The following FOXP2 variants were observed in gnomAD, a reference collection of about 807,000 sequenced individuals.
The protein encoded by FOXP2 is forkhead box protein P2.
Under a neutral mutation model 115.8 loss-of-function variants are expected in FOXP2, and 12 were observed. The ratio of observed to expected loss-of-function variants is 0.10; its 90% confidence interval spans 0.07 to 0.17. FOXP2 has a LOEUF of 0.17. Ranked by LOEUF, FOXP2 falls within the 10% of genes least tolerant of loss-of-function variation. The probability of loss-of-function intolerance (pLI) is 1.00; values close to 1 mark genes in which losing one functional copy is unlikely to be tolerated. For missense variants in FOXP2, 629 were observed against 843.5 expected (o/e 0.75, Z 3.15); for synonymous variants, 328 against 297.7 (o/e 1.10, Z -1.05).
chr7:114,499,897 T>C (rs1196573099), intron 2 of FOXP2, among the ~76,000 whole-genome samples: 1 of 151,922 alleles, frequency 6.6e-6, no homozygotes, highest in Non-Finnish European at 1.5e-5. Context: ...ATTAATATAG[T>C]TTTGGGTTAA....
intron 8 of FOXP2, chr7:114,645,061 C>T: frequency 4.5e-6 from 1 of 219,956 alleles, no homozygotes; most frequent in Non-Finnish European, 8.9e-6. Context: ...ACATTTATAA[C>T]AGAACTATTT....
intron 1 of FOXP2, among the ~76,000 whole-genome samples, chr7:114,101,725 A>G (rs1790965898): frequency 6.6e-6 from 1 of 152,062 alleles, no homozygotes; most frequent in Non-Finnish European, 1.5e-5. Flanking sequence ...TCTATTTTGT[A>G]ACTCTTCCAA....
chr7:114,101,883 A>G (rs1790972383), intron 1 of FOXP2, among the ~76,000 whole-genome samples: 1 of 141,648 alleles, frequency 7.1e-6, no homozygotes, highest in Non-Finnish European at 1.5e-5. Context: ...TTGATTTTCC[A>G]TTTCGCTTCA....
intron 7 of FOXP2, among the ~76,000 whole-genome samples, 181 bp downstream of exon 7, chr7:114,642,804 A>ATT (rs1437814840): frequency 1.1e-3 from 15 of 13,254 alleles, no homozygotes; most frequent in South Asian, 3.9e-3. Context: ...ATATATATAT[A>ATT]TATATATATT....
chr7:114,692,870 C>G lies in FOXP2; in HGVS notation c.*2944C>G. 2.2e-6 allele frequency: 1 copy of G among 453,834 alleles called. No homozygotes were observed. The highest frequency in any genetic ancestry group is 4.4e-6 in the Non-Finnish European group (1 of 226,540). 28.1% of individuals were successfully genotyped at this position (453,834 alleles called of 1,614,324 possible). On this transcript the variant is annotated 3_prime_UTR_variant, in exon 17 of 17. Transcript: ENST00000350908. ...AACTAATTTTTGATACTTTTCATTA[C>G]TGTGTACTATGTTCATACTTTGAAT... is the stretch of plus-strand genomic sequence containing the variant.
chr7:114,237,645 C>CT lies in FOXP2; in HGVS notation c.-101-50364dup, dbSNP rs923467798. 2.5e-3 allele frequency among the ~76,000 whole-genome samples: 370 copies of CT among 147,062 alleles called. 3 individuals are homozygous for CT. Among genetic ancestry groups the CT allele is most frequent in the African/African-American group, 4.0e-3 (159 of 40,134 alleles). ...CTTTTGTTGCTTCATTCTTTCCTTG[C>CT]TTTTTTTTTTGTTTGTTTTTTAAAA... On this transcript the variant is annotated intron_variant, in intron 1 of 17. Transcript: ENST00000634411.
intron 1 of FOXP2, among the ~76,000 whole-genome samples, chr7:114,277,877 A>C (rs1034810917): frequency 6.6e-6 from 1 of 151,910 alleles, no homozygotes; most frequent in African/African-American, 2.4e-5. Flanking sequence ...ATAAATAAAA[A>C]ATTAGCTGAG....
intron 1 of FOXP2, among the ~76,000 whole-genome samples, chr7:114,232,800 C>T (rs904856927): frequency 4.9e-5 from 7 of 143,104 alleles, no homozygotes; most frequent in African/African-American, 1.3e-4. Flanking sequence ...GCAAGAAGAG[C>T]GAAACTCCGT....
At chr7:114,168,132 G>A (rs1793031480) in intron 1 of FOXP2, among the ~76,000 whole-genome samples, 1 of 152,098 alleles carries the variant, frequency 6.6e-6, no homozygotes. Context: ...TTTATGAGCA[G>A]TGTGAAAATG....
At chr7:114,535,716 T>C (rs1584865129) in intron 3 of FOXP2, among the ~76,000 whole-genome samples, 1 of 151,656 alleles carries the variant, frequency 6.6e-6, no homozygotes, top group East Asian at 1.9e-4. Flanking sequence ...GGATAAAATG[T>C]ATGGTCCCTA....
intron 1 of FOXP2, among the ~76,000 whole-genome samples, chr7:114,102,594 TA>T (rs545646763): frequency 0.027 from 3,827 of 141,058 alleles, 48 homozygotes; most frequent in Middle Eastern, 0.033. Flanking sequence ...TTTAAACATG[TA>T]AAAAAAAAAA....
intron 2 of FOXP2, among the ~76,000 whole-genome samples, chr7:114,334,364 A>T (rs1333678246): frequency 7.0e-6 from 1 of 142,076 alleles, no homozygotes; most frequent in East Asian, 2.3e-4. Flanking sequence ...GTAGCTCCCA[A>T]ATTCAAACTT....
At chr7:114,131,230 G>A (rs1791866342) in intron 1 of FOXP2, among the ~76,000 whole-genome samples, 1 of 152,154 alleles carries the variant, frequency 6.6e-6, no homozygotes, top group Non-Finnish European at 1.5e-5. Context: ...CATCTGTGAA[G>A]CTCTTATACT....
At chr7:114,567,510 T>C (rs572823226) in intron 3 of FOXP2, among the ~76,000 whole-genome samples, 1 of 152,282 alleles carries the variant, frequency 6.6e-6, no homozygotes, top group East Asian at 1.9e-4. Flanking sequence ...TCACATTTAA[T>C]TGAAGAATAG....
At chr7:114,515,383 T>G (rs925798074) in intron 2 of FOXP2, among the ~76,000 whole-genome samples, 1 of 150,512 alleles carries the variant, frequency 6.6e-6, no homozygotes, top group African/African-American at 2.4e-5. Context: ...GCACCTGTTG[T>G]TTCCTGACTT....
At chr7:114,381,191 A>G (rs983655475) in intron 2 of FOXP2, among the ~76,000 whole-genome samples, 4 of 152,216 alleles carry the variant, frequency 2.6e-5, no homozygotes, top group African/African-American at 9.6e-5. Context: ...GATGAGGATA[A>G]GCCAGTATAG....
intron 16 of FOXP2, among the ~76,000 whole-genome samples, chr7:114,673,068 G>T (rs1478090487): frequency 6.6e-6 from 1 of 152,130 alleles, no homozygotes; most frequent in Non-Finnish European, 1.5e-5. Context: ...TCTGATTTTT[G>T]ACCGAAACTT....
intron 2 of FOXP2, among the ~76,000 whole-genome samples, chr7:114,523,193 TC>T (rs1396003766): frequency 6.6e-6 from 1 of 152,258 alleles, no homozygotes; most frequent in East Asian, 1.9e-4. Context: ...TATTCAGAGA[TC>T]ATCAATGATA....
chr7:114,496,171 A>G (rs1369207971), intron 2 of FOXP2, among the ~76,000 whole-genome samples: 1 of 152,144 alleles, frequency 6.6e-6, no homozygotes, highest in African/African-American at 2.4e-5. Flanking sequence ...TGTCCTTATT[A>G]ATAGCTACTG....
Sources: gnomAD v4.1 joint callset for allele counts (sites outside exome capture counted in the v4.1 genomes callset) on GRCh38, gnomAD v4.1.1 for gene constraint, MANE v1.5 for transcripts, NCBI Gene and HGNC (gene_info 2026-07-23, HGNC 2026-07-21) for gene names.